Variants in POU2F1 observed in about 807,000 individuals in gnomAD.
The protein encoded by POU2F1 is POU class 2 homeobox 1.
In POU2F1, 16 loss-of-function variants were observed where a neutral mutation model predicts 84.9. The ratio of observed to expected loss-of-function variants is 0.19; its 90% CI spans 0.13 to 0.29. POU2F1 has a LOEUF of 0.29. Ranked by LOEUF, POU2F1 falls within the 10% of genes least tolerant of loss-of-function variation. The pLI, the probability that POU2F1 is intolerant of heterozygous loss-of-function variation, is 1.00. For missense variants in POU2F1, 738 were observed against 942.6 expected, an observed-to-expected ratio of 0.78 and a Z score of 2.84; for synonymous variants, 368 against 368.3, an observed-to-expected ratio of 1.00 and a Z score of 0.01.
chr1:167,311,792 A>ATTTATTTG (rs1557885859), intron 1 of POU2F1, among the ~76,000 whole-genome samples: 1 of 149,992 alleles, frequency 6.7e-6, no homozygotes, highest in Non-Finnish European at 1.5e-5. Context: ...TTATTTATTT[A>ATTTATTTG]TTTATTTATT....
Position 167,416,111 on chromosome 1 carries a change from C to T in POU2F1, c.*301C>T. On this transcript the variant is annotated 3_prime_UTR_variant, in exon 16 of 16. Coordinates refer to ENST00000367866, the MANE Select transcript of POU2F1 (RefSeq NM_002697.4). ...TTAAAAAAAAAAAAAAAAAAAGAAA[C>T]AAAAAAATCAAAAACAAACAAAAAT... 1 of 401,954 alleles carries T rather than the reference C, an allele frequency of 2.5e-6. No individual in the cohort carries two copies. 24.9% of individuals were successfully genotyped at this position (401,954 alleles called of 1,614,324 possible).
In POU2F1 at chr1:167,229,787, T is replaced by A. The variant is rs57399950; in HGVS notation, c.61+8829T>A. On this transcript the variant is annotated intron_variant, in intron 1 of 15. Coordinates refer to ENST00000367866, the MANE Select transcript of POU2F1 (RefSeq NM_002697.4). Reference sequence around the variant, plus strand: ...GGGGCACCTGACTGTAGGTTGTTCATTTTTTGGTGCAGCCAGCATCTTAGG... The same window carrying A: ...GGGGCACCTGACTGTAGGTTGTTCAATTTTTGGTGCAGCCAGCATCTTAGG... Among the ~76,000 whole-genome samples the A allele has an allele frequency of 5.2e-3, 788 of 152,308 alleles. 8 individuals are homozygous for A. Among genetic ancestry groups the A allele is most frequent in the African/African-American group, 0.018 (744 of 41,564 alleles).
intron 1 of POU2F1, among the ~76,000 whole-genome samples, chr1:167,321,225 C>T (rs1392685229): frequency 6.6e-6 from 1 of 152,148 alleles, no homozygotes. Context: ...CAATTGCTTG[C>T]CTTACATAAG....
chr1:167,325,631 C>T (rs1656647130), intron 1 of POU2F1, among the ~76,000 whole-genome samples: 1 of 152,084 alleles, frequency 6.6e-6, no homozygotes, highest in Admixed American at 6.6e-5. Flanking sequence ...GTGGCTCATG[C>T]CTGTAATCCC....
intron 1 of POU2F1, among the ~76,000 whole-genome samples, chr1:167,233,198 C>T (rs965020636): frequency 6.7e-6 from 1 of 149,918 alleles, no homozygotes; most frequent in African/African-American, 2.5e-5. Context: ...TGCAGTGGTG[C>T]AGTCACAGCT....
intron 1 of POU2F1, among the ~76,000 whole-genome samples, chr1:167,323,454 T>C (rs1656465004): frequency 6.6e-6 from 1 of 152,158 alleles, no homozygotes. Flanking sequence ...ACCAGAAACA[T>C]GTCATTTCAA....
intron 2 of POU2F1, among the ~76,000 whole-genome samples, chr1:167,338,409 G>C (rs1412618640): frequency 6.6e-6 from 1 of 152,182 alleles, no homozygotes; most frequent in Non-Finnish European, 1.5e-5. Flanking sequence ...TTTGAGTTTT[G>C]TGGGAGTCAG....
At chr1:167,228,006 TCTAA>T (rs1648766602) in intron 1 of POU2F1, among the ~76,000 whole-genome samples, 2 of 152,196 alleles carry the variant, frequency 1.3e-5, no homozygotes, top group Non-Finnish European at 1.5e-5. Flanking sequence ...ACACAAGACT[TCTAA>T]CTTTCTCCCA....
At chr1:167,414,309 A>G in intron 15 of POU2F1, 3 of 985,034 alleles carry the variant, frequency 3.0e-6, no homozygotes, top group Non-Finnish European at 3.6e-6. Flanking sequence ...TGTTGATACT[A>G]CAAAGGCAAA....
intron 2 of POU2F1, 92 bp downstream of exon 2, chr1:167,332,627 C>A: frequency 1.0e-6 from 1 of 989,552 alleles, no homozygotes; most frequent in Non-Finnish European, 1.5e-6. Context: ...TTGGCAAATA[C>A]AGACCAATTT....
chr1:167,409,223 A>G (rs528190940), intron 13 of POU2F1, among the ~76,000 whole-genome samples: 534 of 152,202 alleles, frequency 3.5e-3, no homozygotes, highest in Non-Finnish European at 5.8e-3. Context: ...TGTAAGGTAA[A>G]GATCTAAATT....
chr1:167,236,224 T>A (rs1335593361), intron 1 of POU2F1, among the ~76,000 whole-genome samples: 1 of 151,870 alleles, frequency 6.6e-6, no homozygotes, highest in Non-Finnish European at 1.5e-5. Flanking sequence ...TGCCTCAGCC[T>A]CCTGAGGAGC....
intron 2 of POU2F1, among the ~76,000 whole-genome samples, chr1:167,348,279 G>A (rs1253312983): frequency 1.3e-5 from 2 of 152,140 alleles, no homozygotes; most frequent in East Asian, 1.9e-4. Context: ...AGTAAAAATA[G>A]GGTATTATAA....
At chr1:167,378,721 G>GT (rs1343347350) in intron 7 of POU2F1, among the ~76,000 whole-genome samples, 7 of 151,636 alleles carry the variant, frequency 4.6e-5, no homozygotes, top group South Asian at 4.2e-4. Context: ...GTTTTTTTGT[G>GT]TTTTTTTGAG....
In POU2F1 at chr1:167,416,322, A is replaced by G. The variant is rs191814312; in HGVS notation, c.*512A>G. 14 of 236,898 alleles carry G rather than the reference A, an allele frequency of 5.9e-5. No homozygotes were observed. Among genetic ancestry groups the G allele is most frequent in the African/African-American group, 1.6e-4 (7 of 42,692 alleles). The allele number at this position is 236,898 out of a possible 1,614,324, so 14.7% of individuals were successfully genotyped here. A position where few individuals can be genotyped will look rare whatever the true frequency, so the allele number is the denominator to read the frequency against. On this transcript the variant is annotated 3_prime_UTR_variant, in exon 16 of 16. Coordinates refer to ENST00000367866, the MANE Select transcript of POU2F1 (RefSeq NM_002697.4). ...TAACAAGGTGTTTATAATCGTATCA[A>G]TTGTGTTGGGGGTTCCTTTCTTAAC...
chr1:167,414,417 T>C, intron 15 of POU2F1: 1 of 985,452 alleles, frequency 1.0e-6, no homozygotes, highest in South Asian at 4.7e-5. Context: ...CTGTACTATT[T>C]GTATGAGCAA....
At chr1:167,290,289 T>TC in intron 1 of POU2F1, among the ~76,000 whole-genome samples, 1 of 152,058 alleles carries the variant, frequency 6.6e-6, no homozygotes. Context: ...CCCATGTACT[T>TC]GGGAGGCTGA....
intron 8 of POU2F1, 48 bp from the exon 9 acceptor site, chr1:167,389,540 A>G (rs938774768): frequency 2.5e-6 from 4 of 1,605,226 alleles, no homozygotes; most frequent in Non-Finnish European, 3.4e-6. Flanking sequence ...GTAAACCTAA[A>G]TATCTCTTCA....
chr1:167,338,336 A>C (rs544452607), intron 2 of POU2F1: 16 of 413,788 alleles, frequency 3.9e-5, no homozygotes, highest in Admixed American at 3.7e-4. Context: ...ACATATACAA[A>C]TATGTTTTAG....
Sources: allele counts gnomAD v4.1 joint callset (sites outside exome capture counted in the v4.1 genomes callset), GRCh38; gene constraint gnomAD v4.1.1; transcripts MANE v1.5; gene names NCBI Gene and HGNC (gene_info 2026-07-23, HGNC 2026-07-21).